AUTS2: variants seen among roughly 807,000 people sequenced by gnomAD.
AUTS2 encodes the protein activator of transcription and developmental regulator AUTS2, also known as autism susceptibility gene 2 protein.
AUTS2 carries 17 observed loss-of-function variants against 112.4 expected under a neutral mutation model. The ratio of observed to expected loss-of-function variants is 0.15; its 90% CI spans 0.10 to 0.23. AUTS2 has a LOEUF of 0.23. AUTS2 is among the 10% of genes least tolerant of loss of function. The probability of loss-of-function intolerance (pLI) is 1.00; values close to 1 mark genes in which losing one functional copy is unlikely to be tolerated. For synonymous variants in AUTS2, 751 were observed against 702.7 expected, an observed-to-expected ratio of 1.07 and a Z score of -1.09; for missense variants, 1,510 against 1,701.6, an observed-to-expected ratio of 0.89 and a Z score of 1.98.
chr7:70,658,074 T>C (rs984802143), intron 5 of AUTS2, among the ~76,000 whole-genome samples: 1 of 152,258 alleles, frequency 6.6e-6, no homozygotes, highest in Non-Finnish European at 1.5e-5. Flanking sequence ...TTTTGGCTTC[T>C]GCCAAAGCAG....
intron 4 of AUTS2, among the ~76,000 whole-genome samples, chr7:70,422,607 T>A (rs1289539408): frequency 1.3e-5 from 2 of 152,100 alleles, no homozygotes; most frequent in East Asian, 3.9e-4. Flanking sequence ...TGAAACCCTG[T>A]CTGTACTAAA....
At chr7:70,122,207 C>T (rs1805717115) in intron 3 of AUTS2, among the ~76,000 whole-genome samples, 1 of 152,068 alleles carries the variant, frequency 6.6e-6, no homozygotes, top group Non-Finnish European at 1.5e-5. Context: ...GGGAGGAAAG[C>T]TATTGCTTGT....
chr7:70,190,219 G>C (rs556870383), intron 4 of AUTS2, among the ~76,000 whole-genome samples: 1 of 152,266 alleles, frequency 6.6e-6, no homozygotes, highest in South Asian at 2.1e-4. Flanking sequence ...ACAGCAGTAA[G>C]TGTTGCTTGG....
At chr7:69,760,693 A>G (rs964935452) in intron 1 of AUTS2, among the ~76,000 whole-genome samples, 4 of 152,108 alleles carry the variant, frequency 2.6e-5, no homozygotes, top group Admixed American at 2.6e-4. Flanking sequence ...TGGTGGCACA[A>G]GTCTGTAATC....
At chr7:70,719,444 A>C (rs1255706238) in intron 6 of AUTS2, among the ~76,000 whole-genome samples, 1 of 152,018 alleles carries the variant, frequency 6.6e-6, no homozygotes, top group Non-Finnish European at 1.5e-5. Context: ...CCTATCACTA[A>C]TATTCTCTAA....
intron 1 of AUTS2, among the ~76,000 whole-genome samples, chr7:69,880,178 TG>T (rs1198124651): frequency 6.6e-6 from 1 of 151,304 alleles, no homozygotes; most frequent in Non-Finnish European, 1.5e-5. Context: ...AAAGTGGGGG[TG>T]GGGGTGCCAC....
intron 6 of AUTS2, among the ~76,000 whole-genome samples, chr7:70,737,795 G>C (rs1375394239): frequency 6.6e-6 from 1 of 152,146 alleles, no homozygotes; most frequent in Non-Finnish European, 1.5e-5. Flanking sequence ...ACCTATTTTA[G>C]AGCCCTTGGG....
chr7:69,719,851 A>G (rs1479144031), intron 1 of AUTS2, among the ~76,000 whole-genome samples: 1 of 152,154 alleles, frequency 6.6e-6, no homozygotes, highest in Non-Finnish European at 1.5e-5. Flanking sequence ...TTTATGAAGG[A>G]AGGGAAACAG....
At chr7:70,024,904 A>G (rs1412647500) in intron 2 of AUTS2, among the ~76,000 whole-genome samples, 2 of 152,354 alleles carry the variant, frequency 1.3e-5, no homozygotes, top group East Asian at 3.9e-4. Context: ...AACCACATCT[A>G]GAAAATACCT....
intron 4 of AUTS2, among the ~76,000 whole-genome samples, chr7:70,190,438 T>A (rs992078021): frequency 6.6e-6 from 1 of 152,254 alleles, no homozygotes; most frequent in East Asian, 1.9e-4. Context: ...AATTCCTTAA[T>A]TGTCTATTGC....
At chr7:69,930,967 G>C (rs1009356853) in intron 2 of AUTS2, among the ~76,000 whole-genome samples, 1 of 152,134 alleles carries the variant, frequency 6.6e-6, no homozygotes, top group Non-Finnish European at 1.5e-5. Flanking sequence ...TCTTAATTCA[G>C]TGTAAAATTT....
At chr7:70,549,055 T>G (rs1318806829) in intron 5 of AUTS2, among the ~76,000 whole-genome samples, 1 of 152,178 alleles carries the variant, frequency 6.6e-6, no homozygotes, top group East Asian at 1.9e-4. Flanking sequence ...GAATATCTCT[T>G]CGTTTATTTA....
At chr7:70,098,492 T>G (rs1397853356) in intron 2 of AUTS2, among the ~76,000 whole-genome samples, 1 of 152,052 alleles carries the variant, frequency 6.6e-6, no homozygotes, top group East Asian at 1.9e-4. Context: ...TTTTTCCAGT[T>G]TATTACAGCA....
chr7:69,706,620 T>C (rs10242206), intron 1 of AUTS2, among the ~76,000 whole-genome samples: 14,549 of 152,300 alleles, frequency 0.096, 1,096 homozygotes, highest in African/African-American at 0.2. Context: ...TCCAAACCTT[T>C]TATGAGGAGT....
chr7:70,785,347 G>C (rs535322463), intron 16 of AUTS2: 551 of 561,102 alleles, frequency 9.8e-4, no homozygotes, highest in Non-Finnish European at 1.6e-3. Flanking sequence ...ATTGGAAGAA[G>C]ATGGTGAGCT....
intron 1 of AUTS2, among the ~76,000 whole-genome samples, chr7:69,780,637 G>T (rs769401094): frequency 2.0e-5 from 3 of 152,236 alleles, no homozygotes; most frequent in East Asian, 1.9e-4. Context: ...AGAGCTGTAA[G>T]TGGCTGGAGC....
intron 5 of AUTS2, among the ~76,000 whole-genome samples, chr7:70,508,919 GC>G (rs1563003710): frequency 6.6e-6 from 1 of 152,208 alleles, no homozygotes; most frequent in African/African-American, 2.4e-5. Context: ...CAGAACTGAA[GC>G]CTTTTTCTAG....
intron 5 of AUTS2, among the ~76,000 whole-genome samples, chr7:70,559,122 C>T (rs1398470731): frequency 1.3e-5 from 2 of 152,200 alleles, no homozygotes; most frequent in African/African-American, 4.8e-5. Flanking sequence ...TCTCCCTGCA[C>T]ATGCTCCCTC....
chr7:70,469,363 C>T (rs892296527), intron 5 of AUTS2, among the ~76,000 whole-genome samples: 2 of 151,998 alleles, frequency 1.3e-5, no homozygotes, highest in African/African-American at 4.8e-5. Context: ...AGGAAGGGCC[C>T]AAATAAAGAG....
Sources: allele counts gnomAD v4.1 joint callset (sites outside exome capture counted in the v4.1 genomes callset), GRCh38; gene constraint gnomAD v4.1.1; transcripts MANE v1.5; gene names NCBI Gene and HGNC (gene_info 2026-07-23, HGNC 2026-07-21).